Variants in PLCE1 observed in about 807,000 individuals in gnomAD.
PLCE1 encodes 1-phosphatidylinositol 4,5-bisphosphate phosphodiesterase epsilon-1.
PLCE1 carries 119 observed loss-of-function variants against 242.8 expected under a neutral mutation model. The observed-to-expected ratio is 0.49, with a 90% CI of 0.42 to 0.57. The LOEUF is 0.57. Among genes scored for constraint, PLCE1 ranks in the 20% least tolerant of loss-of-function variants. The pLI is 0.00. For synonymous variants in PLCE1, 945 were observed against 1,017.4 expected, an observed-to-expected ratio of 0.93 and a Z score of 1.35; for missense variants, 2,441 against 2,788.8, an observed-to-expected ratio of 0.88 and a Z score of 2.81.
At chr10:94,083,914 G>A (rs2135269104) in intron 2 of PLCE1, among the ~76,000 whole-genome samples, 1 of 152,298 alleles carries the variant, frequency 6.6e-6, no homozygotes, top group East Asian at 1.9e-4. Context: ...AGAGTTTGTA[G>A]TTAAGATCTT....
At chr10:94,000,423 T>C (rs1453166173) in intron 1 of PLCE1, among the ~76,000 whole-genome samples, 1 of 152,202 alleles carries the variant, frequency 6.6e-6, no homozygotes, top group East Asian at 1.9e-4. Flanking sequence ...GTAGTACCTA[T>C]CAAATAGGTT....
chr10:94,194,825 A>T (rs1381061321), intron 4 of PLCE1, among the ~76,000 whole-genome samples: 2 of 152,260 alleles, frequency 1.3e-5, no homozygotes, highest in East Asian at 3.8e-4. Flanking sequence ...GATGATGATA[A>T]TAATTCTAGA....
intron 29 of PLCE1, among the ~76,000 whole-genome samples, chr10:94,317,835 T>C (rs1365834273): frequency 6.6e-6 from 1 of 152,214 alleles, no homozygotes; most frequent in Non-Finnish European, 1.5e-5. Context: ...GACATGTTGA[T>C]AGTCAAGCAG....
At chr10:94,279,648 T>C (rs1209169727) in intron 19 of PLCE1, 134 bp from the exon 20 acceptor site, 3 of 913,372 alleles carry the variant, frequency 3.3e-6, no homozygotes, top group Admixed American at 3.9e-5. Flanking sequence ...TAGATTTTTT[T>C]CTCCTCTCCC....
chr10:94,127,222 C>T (rs1205489934), intron 2 of PLCE1, among the ~76,000 whole-genome samples: 1 of 152,198 alleles, frequency 6.6e-6, no homozygotes, highest in Non-Finnish European at 1.5e-5. Flanking sequence ...TCACAACAAT[C>T]ATTTATTTAG....
rs1171999183 is a variant in PLCE1, at chr10:94,031,740, G to A, written c.694G>A (p.Ala232Thr). The A allele has an allele frequency of 6.2e-7, 1 of 1,613,740 alleles. No individual in the cohort carries two copies. Among genetic ancestry groups the A allele is most frequent in the African/African-American group, 1.3e-5 (1 of 75,034 alleles). ...GEEKQKKNYV[A>T]YTCKLMELAK... Reference sequence around the variant, plus strand: ...GGAGAAGCAAAAGAAAAACTATGTGGCATATACCTGTAAACTGATGGAATT... The same window carrying A: ...GGAGAAGCAAAAGAAAAACTATGTGACATATACCTGTAAACTGATGGAATT... The change falls in exon 2 of 33, where the codon GCA becomes ACA. Residue 232 changes from alanine (A) to threonine (T), a missense_variant. By Grantham distance (58) the Ala-to-Thr change is moderately conservative. This residue lies in a region of PLCE1 where 393 missense variants were observed against 378.5 expected (regional missense o/e 1.04). Coordinates refer to ENST00000371380, the MANE Select transcript of PLCE1 (RefSeq NM_016341.4).
At chr10:94,286,200 A>G (rs1364906331) in intron 22 of PLCE1, among the ~76,000 whole-genome samples, 1 of 152,218 alleles carries the variant, frequency 6.6e-6, no homozygotes, top group Non-Finnish European at 1.5e-5. Flanking sequence ...CAGGATTTAT[A>G]GACTTGGCCT....
At chr10:94,134,164 G>A (rs1184998879) in intron 3 of PLCE1, among the ~76,000 whole-genome samples, 3 of 150,012 alleles carry the variant, frequency 2.0e-5, no homozygotes, top group African/African-American at 4.9e-5. Flanking sequence ...GCAGTGGCAT[G>A]ATCTTGGCTC....
At chr10:94,184,460 G>T (rs773686061) in intron 4 of PLCE1, among the ~76,000 whole-genome samples, 1 of 152,156 alleles carries the variant, frequency 6.6e-6, no homozygotes. Context: ...CTCTCTAGTC[G>T]CTGGGATTAC....
Position 94,316,590 on chromosome 10 carries a change from A to AT in PLCE1, c.6182dup (p.Leu2061PhefsTer10). ...GACATCAAACCTGTTACCACAGACT[A>AT]TTTTTTGATGGAAGAAAAATATTTT... On this transcript the variant is annotated frameshift_variant, in exon 29 of 33. Transcript: ENST00000371380. LOFTEE classifies it high-confidence loss of function. The AT allele has an allele frequency of 6.2e-7, 1 of 1,609,644 alleles. No homozygotes were observed. The highest frequency in any genetic ancestry group is 8.5e-7 in the Non-Finnish European group (1 of 1,176,870).
rs796824671 is a variant in PLCE1, at chr10:94,166,575, A to T, written c.1493-4605A>T. ...ACTCCATTCTCTACCCAGAAGAGAA[A>T]AAAGGTGTGTGTGTGTGTGTGTGTG... On this transcript the variant is annotated intron_variant, in intron 3 of 32. Coordinates refer to ENST00000371380, the MANE Select transcript of PLCE1 (RefSeq NM_016341.4). Among the ~76,000 whole-genome samples the T allele has an allele frequency of 4.1e-5, 4 of 97,906 alleles. No homozygotes were observed. The South Asian group carries it at 1.6e-3, about 40-fold the overall frequency. The allele number at this position is 97,906 out of a possible 152,430, so 64.2% of individuals were successfully genotyped here.
chr10:94,301,650 A>G (rs748041169), intron 24 of PLCE1, among the ~76,000 whole-genome samples: 15 of 152,142 alleles, frequency 9.9e-5, no homozygotes, highest in African/African-American at 2.2e-4. Context: ...ATCAACTCCA[A>G]GAAGGTCTGA....
At chr10:94,261,221 G>A (rs557620281) in intron 13 of PLCE1, among the ~76,000 whole-genome samples, 8 of 152,202 alleles carry the variant, frequency 5.3e-5, no homozygotes, top group African/African-American at 1.9e-4. Context: ...GCCTTTTCCA[G>A]AATGTCATAT....
chr10:94,011,926 AC>A (rs1313618272), intron 1 of PLCE1, among the ~76,000 whole-genome samples: 2 of 152,106 alleles, frequency 1.3e-5, no homozygotes, highest in African/African-American at 2.4e-5. Context: ...TTGGGGCATA[AC>A]CATTTTACTA....
chr10:94,110,125 C>T (rs1236869804), intron 2 of PLCE1, among the ~76,000 whole-genome samples: 1 of 114,380 alleles, frequency 8.7e-6, no homozygotes, highest in Non-Finnish European at 1.6e-5. Context: ...TGCAGTGGTG[C>T]GATCTCTGCT....
rs953567524 is a variant in PLCE1, at chr10:93,994,212, G to T, written c.-411G>T. Among the ~76,000 whole-genome samples, 1 of 152,228 alleles carries T rather than the reference G, an allele frequency of 6.6e-6. No homozygotes were observed. Among genetic ancestry groups the T allele is most frequent in the African/African-American group, 2.4e-5 (1 of 41,474 alleles). On this transcript the variant is annotated 5_prime_UTR_variant, in exon 1 of 33. Transcript: ENST00000371380. ...GGCGCGCGGACGGCTGGTCCCAGAG[G>T]GACGCTGCGCTTGGGGACGCCGGCG... is the stretch of plus-strand genomic sequence containing the variant.
At chr10:94,194,991 T>C (rs574879535) in intron 4 of PLCE1, among the ~76,000 whole-genome samples, 6 of 152,246 alleles carry the variant, frequency 3.9e-5, no homozygotes, top group Middle Eastern at 3.4e-3. Flanking sequence ...ACAAAGGTGG[T>C]AGATAGTGGT....
chr10:94,293,417 G>C, intron 22 of PLCE1, 91 bp from the exon 23 acceptor site: 1 of 1,397,346 alleles, frequency 7.2e-7, no homozygotes, highest in Non-Finnish European at 1.0e-6. Flanking sequence ...GGGAGTAGTA[G>C]GACTTCAAAA....
At chr10:94,080,852 G>A (rs1338087798) in intron 2 of PLCE1, among the ~76,000 whole-genome samples, 1 of 152,214 alleles carries the variant, frequency 6.6e-6, no homozygotes, top group Non-Finnish European at 1.5e-5. Flanking sequence ...AAATAGCCAT[G>A]TACCACTGCC....
Sources: allele counts gnomAD v4.1 joint callset (sites outside exome capture counted in the v4.1 genomes callset), GRCh38; gene constraint gnomAD v4.1.1; regional missense constraint gnomAD v4.1.1; transcripts MANE v1.5; gene names NCBI Gene and HGNC (gene_info 2026-07-23, HGNC 2026-07-21).